Variants in ROBO2 observed in about 807,000 individuals in gnomAD.
The protein encoded by ROBO2 is roundabout homolog 2.
ROBO2 carries 53 observed loss-of-function variants against 160.8 expected under a neutral mutation model. That is an observed-to-expected ratio of 0.33 (90% confidence interval 0.26 to 0.41). The LOEUF (loss-of-function observed/expected upper bound fraction) is 0.41. Ranked by LOEUF, ROBO2 falls within the 10% of genes least tolerant of loss-of-function variation. ROBO2 has a pLI of 1.00. For missense variants in ROBO2, 1,577 were observed against 1,722.4 expected (o/e 0.92, Z 1.49); for synonymous variants, 664 against 611.7 (o/e 1.09, Z -1.26).
At chr3:76,456,830 A>C (rs551381583) in intron 2 of ROBO2, among the ~76,000 whole-genome samples, 1 of 152,290 alleles carries the variant, frequency 6.6e-6, no homozygotes, top group South Asian at 2.1e-4. Flanking sequence ...GGCGAAAAGC[A>C]CTTCTTACAT....
intron 2 of ROBO2, among the ~76,000 whole-genome samples, chr3:76,669,302 A>G (rs907903587): frequency 5.3e-5 from 8 of 152,170 alleles, no homozygotes; most frequent in Admixed American, 1.3e-4. Context: ...AAATGCATCT[A>G]TGAAATATTT....
At chr3:77,316,551 A>C (rs1227680170) in intron 2 of ROBO2, among the ~76,000 whole-genome samples, 1 of 152,136 alleles carries the variant, frequency 6.6e-6, no homozygotes, top group Non-Finnish European at 1.5e-5. Context: ...CAAGTCTACT[A>C]CTGAAAGGAT....
At chr3:76,075,158 T>C (rs1264557553) in intron 2 of ROBO2, among the ~76,000 whole-genome samples, 18 of 151,870 alleles carry the variant, frequency 1.2e-4, no homozygotes, top group Admixed American at 1.0e-3. Flanking sequence ...GTCCTCTGCT[T>C]GTGTGGAGCC....
intron 3 of ROBO2, among the ~76,000 whole-genome samples, chr3:77,477,992 A>AT (rs1042511368): frequency 4.0e-5 from 6 of 151,724 alleles, no homozygotes; most frequent in Admixed American, 6.6e-5. Context: ...ACGCCCAGCT[A>AT]TTTTTTGTAT....
chr3:76,987,427 T>C (rs2060442226), intron 2 of ROBO2, among the ~76,000 whole-genome samples: 1 of 152,196 alleles, frequency 6.6e-6, no homozygotes, highest in Admixed American at 6.6e-5. Flanking sequence ...TTGATTGAAA[T>C]CTTCATCAGG....
At chr3:76,364,597 C>T (rs774348397) in intron 2 of ROBO2, among the ~76,000 whole-genome samples, 1 of 151,854 alleles carries the variant, frequency 6.6e-6, no homozygotes, top group Non-Finnish European at 1.5e-5. Flanking sequence ...TATACCTGGA[C>T]TAGTATTATT....
chr3:77,004,427 A>C (rs1230001039), intron 2 of ROBO2, among the ~76,000 whole-genome samples: 1 of 152,190 alleles, frequency 6.6e-6, no homozygotes, highest in Non-Finnish European at 1.5e-5. Flanking sequence ...TGGAAGTAGA[A>C]GGAGAGACTG....
chr3:76,472,780 G>C (rs2078734400), intron 2 of ROBO2, among the ~76,000 whole-genome samples: 1 of 152,156 alleles, frequency 6.6e-6, no homozygotes, highest in Non-Finnish European at 1.5e-5. Context: ...TCACAAGTCA[G>C]TGTTCAAGCA....
intron 2 of ROBO2, among the ~76,000 whole-genome samples, chr3:76,055,949 T>C (rs1293617519): frequency 1.3e-5 from 2 of 152,114 alleles, no homozygotes; most frequent in Non-Finnish European, 2.9e-5. Context: ...AAGAACAAAC[T>C]TGATTGACTA....
chr3:76,184,299 T>G (rs1575783969), intron 2 of ROBO2, among the ~76,000 whole-genome samples: 1 of 152,000 alleles, frequency 6.6e-6, no homozygotes, highest in African/African-American at 2.4e-5. Flanking sequence ...CCTCCTCCAG[T>G]GGGTTGCCCT....
At chr3:76,294,180 T>C (rs929205840) in intron 2 of ROBO2, among the ~76,000 whole-genome samples, 3 of 152,126 alleles carry the variant, frequency 2.0e-5, no homozygotes, top group Non-Finnish European at 4.4e-5. Context: ...GGAGCAGTTA[T>C]TCCGAGCCTG....
At chr3:76,504,730 G>A (rs767584786) in intron 2 of ROBO2, among the ~76,000 whole-genome samples, 79 of 151,812 alleles carry the variant, frequency 5.2e-4, no homozygotes, top group Non-Finnish European at 1.0e-3. Flanking sequence ...GGGTTTCACC[G>A]TGTTAGCCAG....
At chr3:76,432,268 A>G (rs1385538522) in intron 2 of ROBO2, among the ~76,000 whole-genome samples, 1 of 152,210 alleles carries the variant, frequency 6.6e-6, no homozygotes, top group Non-Finnish European at 1.5e-5. Context: ...AGACATTAGC[A>G]TAGAATATTT....
chr3:75,932,430 A>T (rs1226834700), intron 1 of ROBO2, among the ~76,000 whole-genome samples: 1 of 152,220 alleles, frequency 6.6e-6, no homozygotes, highest in East Asian at 1.9e-4. Context: ...GTACAATTTT[A>T]TAAACCAGTT....
chr3:77,604,153 A>G (rs2094481982), intron 20 of ROBO2: 1 of 152,154 alleles, frequency 6.6e-6, no homozygotes, highest in South Asian at 2.1e-4. Context: ...GCCTATTGGT[A>G]GAATTAGCTA....
chr3:76,551,814 G>T (rs1320569085), intron 2 of ROBO2, among the ~76,000 whole-genome samples: 1 of 152,178 alleles, frequency 6.6e-6, no homozygotes, highest in African/African-American at 2.4e-5. Flanking sequence ...GGCACCTGGA[G>T]CTGCCCACTG....
intron 1 of ROBO2, among the ~76,000 whole-genome samples, chr3:77,053,027 T>C (rs1447790878): frequency 6.6e-6 from 1 of 152,206 alleles, no homozygotes; most frequent in Non-Finnish European, 1.5e-5. Flanking sequence ...CATATGGGAT[T>C]AAAAAGTGGT....
intron 2 of ROBO2, among the ~76,000 whole-genome samples, chr3:76,363,664 A>G (rs576722397): frequency 3.3e-5 from 5 of 152,176 alleles, no homozygotes; most frequent in East Asian, 3.9e-4. Context: ...AAAAAAATCA[A>G]TTAATCTTAA....
In ROBO2 at chr3:76,801,276, G is replaced by A. The variant is rs545853484; in HGVS notation, c.110-296738G>A. Among the ~76,000 whole-genome samples, 7 of 152,286 alleles carry A rather than the reference G, an allele frequency of 4.6e-5. No individual in the cohort carries two copies. The South Asian group carries it at 1.5e-3, about 32-fold the overall frequency. ...ACAGCCTGGGAAGGGTCGTGTGGGA[G>A]TGGGAAAGAAATGAAGATGGTCAGT... On this transcript the variant is annotated intron_variant, in intron 2 of 26. Coordinates refer to the ROBO2 transcript ENST00000487694.
Sources: allele counts gnomAD v4.1 joint callset (sites outside exome capture counted in the v4.1 genomes callset), GRCh38; gene constraint gnomAD v4.1.1; transcripts MANE v1.5; gene names NCBI Gene and HGNC (gene_info 2026-07-23, HGNC 2026-07-21).